PPARG: variants seen among roughly 807,000 people sequenced by gnomAD.
PPARG encodes peroxisome proliferator-activated receptor gamma.
A neutral mutation model predicts 39.2 loss-of-function variants in PPARG; 17 were observed. The ratio of observed to expected loss-of-function variants is 0.43; its 90% CI spans 0.30 to 0.65. The LOEUF (loss-of-function observed/expected upper bound fraction) is 0.65. Among genes scored for constraint, PPARG ranks in the 30% least tolerant of loss-of-function variants. The probability of loss-of-function intolerance (pLI) is 0.13; values close to 1 mark genes in which losing one functional copy is unlikely to be tolerated. For missense variants in PPARG, 406 were observed against 585.9 expected (o/e 0.69, Z 3.17); for synonymous variants, 223 against 215.7 (o/e 1.03, Z -0.30).
intron 5 of PPARG, among the ~76,000 whole-genome samples, chr3:12,399,173 TTCAGGGAA>T (rs1016195138): frequency 2.0e-5 from 3 of 152,206 alleles, no homozygotes; most frequent in African/African-American, 7.2e-5. Flanking sequence ...TCAGGAAGAC[TTCAGGGAA>T]TCAGAGATTG....
chr3:12,418,462 T>A (rs2051152825), intron 7 of PPARG, among the ~76,000 whole-genome samples: 1 of 152,220 alleles, frequency 6.6e-6, no homozygotes, highest in African/African-American at 2.4e-5. Context: ...AACTGCACAA[T>A]GTATTATAAA....
chr3:12,367,928 T>C (rs903643434), intron 2 of PPARG, among the ~76,000 whole-genome samples: 1 of 151,650 alleles, frequency 6.6e-6, no homozygotes, highest in African/African-American at 2.4e-5. Flanking sequence ...GTCTTTCTAA[T>C]ACCCTTTGTT....
intron 1 of PPARG, among the ~76,000 whole-genome samples, chr3:12,311,757 A>C (rs2047251811): frequency 6.6e-6 from 1 of 152,128 alleles, no homozygotes; most frequent in Non-Finnish European, 1.5e-5. Flanking sequence ...AAGGTTGTGA[A>C]TCCTAAGACC....
intron 4 of PPARG, among the ~76,000 whole-genome samples, chr3:12,388,148 A>T (rs977827944): frequency 2.0e-5 from 3 of 152,144 alleles, no homozygotes; most frequent in African/African-American, 7.2e-5. Context: ...ATACATTAGC[A>T]TTCTGTTCAT....
At chr3:12,342,012 CTG>C (rs532524370) in intron 2 of PPARG, among the ~76,000 whole-genome samples, 349 of 152,238 alleles carry the variant, frequency 2.3e-3, no homozygotes, top group Middle Eastern at 0.014. Context: ...GAAAAAGTAA[CTG>C]TACAATGGAG....
chr3:12,291,099 A>C (rs1337691971), intron 1 of PPARG, among the ~76,000 whole-genome samples: 1 of 152,200 alleles, frequency 6.6e-6, no homozygotes, highest in Non-Finnish European at 1.5e-5. Context: ...ATAGGATTCC[A>C]CTAAATAAAT....
chr3:12,299,666 A>C (rs1219336903), intron 1 of PPARG, among the ~76,000 whole-genome samples: 1 of 152,220 alleles, frequency 6.6e-6, no homozygotes, highest in African/African-American at 2.4e-5. Flanking sequence ...TTTTCACAGT[A>C]GATTTAAGTG....
intron 2 of PPARG, among the ~76,000 whole-genome samples, chr3:12,350,714 G>A (rs977637261): frequency 3.3e-5 from 5 of 152,088 alleles, no homozygotes; most frequent in African/African-American, 7.2e-5. Context: ...ATTTTTTTCT[G>A]GTGGTGTGTT....
upstream of PPARG, among the ~76,000 whole-genome samples, chr3:12,288,616 C>T (rs2046570121): frequency 6.6e-6 from 1 of 151,850 alleles, no homozygotes; most frequent in Non-Finnish European, 1.5e-5. Context: ...GTCCCGTTCG[C>T]TGTCCAGAGC....
At chr3:12,327,925 G>T in intron 2 of PPARG, 1 of 642,732 alleles carries the variant, frequency 1.6e-6, no homozygotes, top group Non-Finnish European at 2.8e-6. Context: ...TAAAAGCTCT[G>T]TTTTCTTTAC....
At chr3:12,298,298 C>CAAAAAAAAAAA (rs58459399) in intron 1 of PPARG, among the ~76,000 whole-genome samples, 13 of 41,352 alleles carry the variant, frequency 3.1e-4, no homozygotes, top group African/African-American at 9.4e-4. Flanking sequence ...GACTCTGTCT[C>CAAAAAAAAAAA]AAAAAAAAAA....
intron 1 of PPARG, among the ~76,000 whole-genome samples, chr3:12,304,226 A>T (rs1187825863): frequency 6.6e-6 from 1 of 152,182 alleles, no homozygotes; most frequent in East Asian, 1.9e-4. Flanking sequence ...CCGTGATGTC[A>T]TATTGGGGTT....
At chr3:12,356,459 T>C (rs556973112) in intron 2 of PPARG, among the ~76,000 whole-genome samples, 2 of 152,348 alleles carry the variant, frequency 1.3e-5, no homozygotes, top group East Asian at 3.9e-4. Context: ...TGAATGGCAC[T>C]TGTGGTTAAC....
chr3:12,407,330 T>G (rs1182942685), intron 6 of PPARG, among the ~76,000 whole-genome samples: 2 of 152,076 alleles, frequency 1.3e-5, no homozygotes, highest in Non-Finnish European at 2.9e-5. Context: ...CCAGCTAATT[T>G]TTTTGTATTT....
intron 2 of PPARG, chr3:12,351,417 A>T: frequency 1.5e-6 from 1 of 650,102 alleles, no homozygotes; most frequent in Non-Finnish European, 2.8e-6. Context: ...ATTCAAGCCC[A>T]GTCCTTTCTG....
At chr3:12,343,885 G>T in intron 2 of PPARG, among the ~76,000 whole-genome samples, 1 of 129,974 alleles carries the variant, frequency 7.7e-6, no homozygotes, top group African/African-American at 3.2e-5. Context: ...TTTTGAGACA[G>T]AATCTTGCTC....
chr3:12,427,966 C>G (rs1025362862), intron 7 of PPARG, among the ~76,000 whole-genome samples: 1 of 152,192 alleles, frequency 6.6e-6, no homozygotes, highest in Non-Finnish European at 1.5e-5. Flanking sequence ...AGATTAGTCT[C>G]TATCAGAGAG....
At chr3:12,342,793 T>C (rs1354289409) in intron 2 of PPARG, among the ~76,000 whole-genome samples, 2 of 151,698 alleles carry the variant, frequency 1.3e-5, no homozygotes, top group Non-Finnish European at 2.9e-5. Context: ...TAATGAAAGG[T>C]GGTTTTTTTT....
At chr3:12,297,096 G>A (rs1025771455) in intron 1 of PPARG, among the ~76,000 whole-genome samples, 8 of 152,138 alleles carry the variant, frequency 5.3e-5, no homozygotes, top group Admixed American at 3.9e-4. Flanking sequence ...TATACACGAA[G>A]AGTTTCATAA....
Sources: allele counts gnomAD v4.1 joint callset (sites outside exome capture counted in the v4.1 genomes callset), GRCh38; gene constraint gnomAD v4.1.1; transcripts MANE v1.5; gene names NCBI Gene and HGNC (gene_info 2026-07-23, HGNC 2026-07-21).